The following EXD3 variants were observed in gnomAD, a reference collection of about 807,000 sequenced individuals.
The protein encoded by EXD3 is exonuclease 3'-5' domain containing 3.
A neutral mutation model predicts 98.0 loss-of-function variants in EXD3; 92 were observed. That is an observed-to-expected ratio of 0.94 (90% CI 0.79 to 1.12). The LOEUF (loss-of-function observed/expected upper bound fraction) is 1.12. EXD3 is among the 50% of genes most tolerant of loss of function. The pLI, the probability that EXD3 is intolerant of heterozygous loss-of-function variation, is 0.00. For missense variants in EXD3, 1,222 were observed against 1,191.6 expected (o/e 1.03, Z -0.38); for synonymous variants, 569 against 526.0 (o/e 1.08, Z -1.12).
chr9:137,399,763 T>C (rs561740833), intron 1 of EXD3, among the ~76,000 whole-genome samples: 1 of 152,112 alleles, frequency 6.6e-6, no homozygotes, highest in East Asian at 1.9e-4. Flanking sequence ...GAGAGCCGGG[T>C]ACAGTGGCTC....
At chr9:137,372,262 TG>T (rs1363157447) in intron 5 of EXD3, among the ~76,000 whole-genome samples, 4 of 152,316 alleles carry the variant, frequency 2.6e-5, no homozygotes, top group Middle Eastern at 6.8e-3. Context: ...TGGGCGACTG[TG>T]CCGAGGTGCG....
intron 5 of EXD3, among the ~76,000 whole-genome samples, chr9:137,370,763 C>T (rs948255721): frequency 1.3e-5 from 2 of 150,844 alleles, no homozygotes; most frequent in African/African-American, 4.9e-5. Flanking sequence ...TGCCTCCCAC[C>T]TCTGCGTGGG....
chr9:137,353,236 C>T (rs983660637), intron 10 of EXD3: 3 of 984,114 alleles, frequency 3.0e-6, no homozygotes, highest in Non-Finnish European at 3.6e-6. Context: ...TTTCCAGCCT[C>T]CAAGCCTCCA....
chr9:137,397,982 T>C (rs868192713), intron 1 of EXD3, among the ~76,000 whole-genome samples: 13 of 151,544 alleles, frequency 8.6e-5, no homozygotes, highest in Middle Eastern at 3.4e-3. Flanking sequence ...TTAAAAAATA[T>C]GGTTTTAATG....
chr9:137,364,616 TA>T (rs201861821), intron 7 of EXD3, among the ~76,000 whole-genome samples: 111 of 147,424 alleles, frequency 7.5e-4, no homozygotes, highest in Middle Eastern at 3.5e-3. Context: ...AGGCTTCATC[TA>T]AAAAAAAAAA....
intron 2 of EXD3, among the ~76,000 whole-genome samples, chr9:137,387,233 A>C (rs1836650726): frequency 6.6e-6 from 1 of 152,010 alleles, no homozygotes. Context: ...GCTGAGCCCC[A>C]GGGCAGTGAC....
chr9:137,328,195 CAATT>C (rs1440943647), intron 17 of EXD3, among the ~76,000 whole-genome samples: 54 of 143,516 alleles, frequency 3.8e-4, no homozygotes, highest in African/African-American at 9.8e-4. Flanking sequence ...ATGAGTAAAA[CAATT>C]AATATACTCC....
chr9:137,398,564 A>C (rs112927161), intron 1 of EXD3, among the ~76,000 whole-genome samples: 304 of 103,788 alleles, frequency 2.9e-3, no homozygotes, highest in East Asian at 4.2e-3. Context: ...CACACAGGCA[A>C]CCGCGTCCCC....
intron 17 of EXD3, among the ~76,000 whole-genome samples, chr9:137,328,634 A>C (rs1399096798): frequency 5.9e-5 from 5 of 84,332 alleles, no homozygotes; most frequent in African/African-American, 3.3e-4. Context: ...ACACGGGACT[A>C]CACGGGGCTA....
chr9:137,412,029 A>C (rs1838028429), intron 1 of EXD3, among the ~76,000 whole-genome samples: 1 of 152,060 alleles, frequency 6.6e-6, no homozygotes, highest in Non-Finnish European at 1.5e-5. Context: ...TGGCACCCCG[A>C]TGGGGGGCTC....
chr9:137,350,290 G>A (rs72765137), intron 14 of EXD3, among the ~76,000 whole-genome samples: 1,464 of 91,008 alleles, frequency 0.016, no homozygotes, highest in African/African-American at 0.038. Context: ...GGGGATTACG[G>A]GGAGAGAGCT....
rs941606823 is a variant in EXD3 at position 137,371,129 on chromosome 9, G to A, written c.462+1776C>T. On this transcript the variant is annotated intron_variant, in intron 5 of 21. Transcript: ENST00000340951. This position sits in a 1 kb window ranked among gnomAD's most constrained non-coding sequence, Gnocchi z 8.0. ...TGTGTGGGGATTCCTGCCTCGGAGC[G>A]CGAGGGAGGCGCATTCAGCCGGCCC... Among the ~76,000 whole-genome samples, 7 of 152,194 alleles carry A rather than the reference G, an allele frequency of 4.6e-5. No homozygotes were observed. The highest frequency in any genetic ancestry group is 7.4e-5 in the Non-Finnish European group (5 of 68,026).
At position 137,354,356 on chromosome 9, in the gene EXD3, A is replaced by G. The variant is rs766233422; in HGVS notation, c.853T>C (p.Trp285Arg). The change falls in exon 10 of 22, where the codon TGG (tryptophan) becomes CGG (arginine). Residue 285 changes from tryptophan (W) to arginine (R), a missense_variant. Transcript: ENST00000340951. ...FVEKSLSQENWTDHVQGLVGQ... is the reference protein window; with the variant it reads ...FVEKSLSQENRTDHVQGLVGQ... ...GAACTCACCTGCACATGGTCGGTCC[A>G]GTTCTCCTGTGACAGGCTCTTCTGC... 4.3e-6 allele frequency: 7 copies of G among 1,612,226 alleles called. No individual in the cohort carries two copies. Among genetic ancestry groups the G allele is most frequent in the Non-Finnish European group, 5.1e-6 (6 of 1,179,550 alleles).
Position 137,352,580 on chromosome 9 carries a change from G to A in EXD3, c.1037+40C>T, listed in dbSNP as rs566268968. The A allele has an allele frequency of 7.7e-5, 116 of 1,498,866 alleles. No homozygotes were observed. In the South Asian group the frequency reaches 9.8e-4, roughly 13 times the overall value. 92.8% of individuals were successfully genotyped at this position (1,498,866 alleles called of 1,614,324 possible). A position where few individuals can be genotyped will look rare whatever the true frequency, so the allele number is the denominator to read the frequency against. On this transcript the variant is annotated intron_variant, in intron 11 of 21. Coordinates refer to ENST00000340951, the MANE Select transcript of EXD3 (RefSeq NM_017820.5). ...CCCAAGGGTAGGGGCCACCCTGGGC[G>A]GAACCCACCCCTGGCTGGGGTCACC... is the stretch of plus-strand genomic sequence containing the variant.
At chr9:137,331,314 A>C (rs759443874) in intron 17 of EXD3, among the ~76,000 whole-genome samples, 5 of 152,112 alleles carry the variant, frequency 3.3e-5, no homozygotes, top group Non-Finnish European at 7.4e-5. Flanking sequence ...AATGGGGAAA[A>C]GTGGAAACAG....
At chr9:137,311,521 C>T (rs1042074018) in intron 19 of EXD3, among the ~76,000 whole-genome samples, 1 of 152,248 alleles carries the variant, frequency 6.6e-6, no homozygotes, top group South Asian at 2.1e-4. Flanking sequence ...TTCCCAGGAC[C>T]TGGGCCAGGT....
chr9:137,324,194 G>T lies in EXD3; in HGVS notation c.1999-51C>A, dbSNP rs1158540476. On this transcript the variant is annotated intron_variant, in intron 17 of 21. Coordinates refer to ENST00000340951, the MANE Select transcript of EXD3 (RefSeq NM_017820.5). This position sits in a 1 kb window ranked among gnomAD's most constrained non-coding sequence, Gnocchi z 4.1. Reference sequence around the variant, plus strand: ...TAAAGGGGGCAGCTCCGTGCTCCTGGACTGGGCCACCTCTGCTCGCCACCC... The same window carrying T: ...TAAAGGGGGCAGCTCCGTGCTCCTGTACTGGGCCACCTCTGCTCGCCACCC... 4 of 1,494,196 alleles carry T rather than the reference G, an allele frequency of 2.7e-6. No individual in the cohort carries two copies. The highest frequency in any genetic ancestry group is 2.8e-5 in the African/African-American group (2 of 72,020). 92.6% of individuals were successfully genotyped at this position (1,494,196 alleles called of 1,614,324 possible).
intron 19 of EXD3, among the ~76,000 whole-genome samples, chr9:137,316,085 C>A (rs1387054016): frequency 1.1e-5 from 1 of 87,774 alleles, no homozygotes; most frequent in Non-Finnish European, 2.8e-5. Flanking sequence ...TTCCCTCCCC[C>A]GGCCCCCCCC....
chr9:137,398,331 G>C (rs930835935), intron 1 of EXD3, among the ~76,000 whole-genome samples: 1 of 152,220 alleles, frequency 6.6e-6, no homozygotes, highest in Non-Finnish European at 1.5e-5. Flanking sequence ...GCCTCCGTCT[G>C]GATGGCTGCA....
Sources: gnomAD v4.1 joint callset for allele counts (sites outside exome capture counted in the v4.1 genomes callset) on GRCh38, gnomAD v4.1.1 for gene constraint, Gnocchi (gnomAD v3.1) non-coding constraint, MANE v1.5 for transcripts, NCBI Gene and HGNC (gene_info 2026-07-23, HGNC 2026-07-21) for gene names.